The following GADL1 variants were observed in gnomAD, a reference collection of about 807,000 sequenced individuals.
GADL1 encodes acidic amino acid decarboxylase GADL1.
Under a neutral mutation model 69.5 loss-of-function variants are expected in GADL1, and 71 were observed. That is an observed-to-expected ratio of 1.02 (90% confidence interval 0.84 to 1.25). GADL1 has a LOEUF of 1.25. Among genes scored for constraint, GADL1 ranks in the 50% most tolerant of loss-of-function variants. The pLI, the probability that GADL1 is intolerant of heterozygous loss-of-function variation, is 0.00. For missense variants in GADL1, 737 were observed against 631.8 expected (o/e 1.17, Z -1.79); for synonymous variants, 254 against 214.4 (o/e 1.18, Z -1.62).
intron 14 of GADL1, among the ~76,000 whole-genome samples, chr3:30,764,139 T>A (rs1696210276): frequency 6.8e-6 from 1 of 146,238 alleles, no homozygotes; most frequent in Non-Finnish European, 1.5e-5. Context: ...TTAAATATAT[T>A]AACGCTTTAC....
intron 14 of GADL1, 136 bp downstream of exon 14, chr3:30,778,043 T>C: frequency 3.4e-6 from 2 of 589,402 alleles, no homozygotes; most frequent in Non-Finnish European, 6.2e-6. Flanking sequence ...TGGCCTGTCA[T>C]TACTTTTTAA....
intron 1 of GADL1, among the ~76,000 whole-genome samples, chr3:30,873,481 C>CT (rs1213472958): frequency 6.6e-6 from 1 of 151,794 alleles, no homozygotes; most frequent in Non-Finnish European, 1.5e-5. Context: ...CCATATTCTC[C>CT]TTTTTTCCAA....
intron 6 of GADL1, among the ~76,000 whole-genome samples, chr3:30,847,242 C>T (rs1342142068): frequency 6.6e-6 from 1 of 152,170 alleles, no homozygotes; most frequent in African/African-American, 2.4e-5. Flanking sequence ...TTTGTCATGA[C>T]CTTGCAGGTC....
chr3:30,793,171 T>A (rs1329219494), intron 12 of GADL1, among the ~76,000 whole-genome samples: 1 of 152,192 alleles, frequency 6.6e-6, no homozygotes, highest in African/African-American at 2.4e-5. Flanking sequence ...CTTGGAAGTC[T>A]ACTGGCCACA....
At chr3:30,835,614 A>G (rs187999879) in intron 9 of GADL1, among the ~76,000 whole-genome samples, 8 of 152,036 alleles carry the variant, frequency 5.3e-5, no homozygotes, top group African/African-American at 1.9e-4. Flanking sequence ...GGAAGAACTC[A>G]TCTCAGAGCT....
chr3:30,800,425 G>A (rs1195211214), intron 12 of GADL1: 2 of 164,612 alleles, frequency 1.2e-5, no homozygotes, highest in Admixed American at 5.9e-5. Flanking sequence ...CAACACCTGG[G>A]AATTACGGGA....
At chr3:30,824,476 TAAG>T (rs1697649719) in intron 11 of GADL1, among the ~76,000 whole-genome samples, 1 of 151,182 alleles carries the variant, frequency 6.6e-6, no homozygotes, top group Middle Eastern at 3.4e-3. Context: ...ACCTTAGAGA[TAAG>T]AAGTAAAGAT....
At chr3:30,800,570 C>T in intron 12 of GADL1, 2 of 303,618 alleles carry the variant, frequency 6.6e-6, no homozygotes, top group South Asian at 4.1e-5. Flanking sequence ...TAGAGAAGCC[C>T]TCCTGATTGA....
chr3:30,873,228 A>T (rs182505289), intron 1 of GADL1, among the ~76,000 whole-genome samples: 74 of 152,160 alleles, frequency 4.9e-4, no homozygotes, highest in Admixed American at 2.0e-4. Context: ...TTAACATTTA[A>T]TGGATACTTA....
chr3:30,821,770 C>T (rs903094988), intron 11 of GADL1, among the ~76,000 whole-genome samples: 2 of 151,512 alleles, frequency 1.3e-5, no homozygotes, highest in African/African-American at 2.4e-5. Flanking sequence ...ACTTACCCTA[C>T]TAGATGAAAT....
chr3:30,794,827 A>G lies in GADL1; in HGVS notation c.1250+6062T>C, dbSNP rs556207543. ...TGATCGGTGCAGTGATCATTGGTCT[A>G]TCAAAATCTCATCCTTAAATCTTAG... On this transcript the variant is annotated intron_variant, in intron 12 of 14. Coordinates refer to ENST00000282538, the MANE Select transcript of GADL1 (RefSeq NM_207359.3). Among the ~76,000 whole-genome samples, 34 of 152,212 alleles carry G rather than the reference A, an allele frequency of 2.2e-4. 1 individual carries two copies. Among genetic ancestry groups the G allele is most frequent in the South Asian group, 4.1e-4 (2 of 4,836 alleles).
chr3:30,839,003 A>G lies in GADL1; in HGVS notation c.897T>C (p.His299=), dbSNP rs1407966148. Residue 299 remains histidine, a synonymous_variant, in exon 9 of 15, where the codon CAT becomes CAC. Transcript: ENST00000282538. The part of the protein sequence containing the change: ...DICERHSLWL[H]VDASWGGSAL... ...TACACATAAATGAACTTACATCTAC[A>G]TGAAGCCAGAGGCTGTGCCTCTCGC... The G allele has an allele frequency of 1.0e-5, 16 of 1,579,586 alleles. No individual in the cohort carries two copies. In the East Asian group the frequency reaches 3.0e-4, roughly 29 times the overall value.
At chr3:30,774,361 A>G (rs1318684451) in intron 14 of GADL1, among the ~76,000 whole-genome samples, 1 of 152,208 alleles carries the variant, frequency 6.6e-6, no homozygotes, top group Non-Finnish European at 1.5e-5. Context: ...ACTGTTTAAC[A>G]TACCAATGCC....
At chr3:30,785,542 C>T (rs944476535) in intron 13 of GADL1, among the ~76,000 whole-genome samples, 2 of 152,088 alleles carry the variant, frequency 1.3e-5, no homozygotes, top group South Asian at 2.1e-4. Flanking sequence ...CCACCACGCT[C>T]GACTAATTTT....
intron 14 of GADL1, among the ~76,000 whole-genome samples, chr3:30,767,798 A>T (rs1435809519): frequency 6.6e-6 from 1 of 152,200 alleles, no homozygotes; most frequent in Admixed American, 6.5e-5. Context: ...GGATATTATT[A>T]CTGAAGGCCA....
chr3:30,865,592 G>GGCTGGGGAT (rs1220267599), intron 1 of GADL1, among the ~76,000 whole-genome samples: 1 of 152,000 alleles, frequency 6.6e-6, no homozygotes, highest in African/African-American at 2.4e-5. Context: ...GGAAACCTTT[G>GGCTGGGGAT]GCTGGGGATG....
chr3:30,763,135 GTA>G, intron 14 of GADL1, among the ~76,000 whole-genome samples: 1 of 152,232 alleles, frequency 6.6e-6, no homozygotes, highest in African/African-American at 2.4e-5. Flanking sequence ...GTAGAACTCT[GTA>G]TGTGTATTTA....
intron 14 of GADL1, among the ~76,000 whole-genome samples, chr3:30,752,831 TTTAAG>T (rs796994052): frequency 3.2e-4 from 47 of 146,482 alleles, no homozygotes; most frequent in African/African-American, 1.0e-3. Context: ...GAGTTTTCTA[TTTAAG>T]TTAACAAGAT....
At position 30,777,061 on chromosome 3, in the gene GADL1, TTG is replaced by T. The variant is rs142165915; in HGVS notation, c.1392+1116_1392+1117del. 7.6e-4 allele frequency among the ~76,000 whole-genome samples: 115 copies of T among 152,310 alleles called. 5 individuals are homozygous for T. In the East Asian group the frequency reaches 0.02, roughly 26 times the overall value. ...CAGGTACTTCTTGGTTACCTTGTGA[TTG>T]TCTCTTTACTCATTGTCTCTAGGAA... On this transcript the variant is annotated intron_variant, in intron 14 of 14. Coordinates refer to ENST00000282538, the MANE Select transcript of GADL1 (RefSeq NM_207359.3).
Sources: gnomAD v4.1 joint callset for allele counts (sites outside exome capture counted in the v4.1 genomes callset) on GRCh38, gnomAD v4.1.1 for gene constraint, MANE v1.5 for transcripts, NCBI Gene and HGNC (gene_info 2026-07-23, HGNC 2026-07-21) for gene names.